The following KHDRBS2 variants were observed in gnomAD, a reference collection of about 807,000 sequenced individuals.
KHDRBS2 encodes the protein KH domain-containing, RNA-binding, signal transduction-associated protein 2.
KHDRBS2 carries 26 observed loss-of-function variants against 44.3 expected under a neutral mutation model. That is an observed-to-expected ratio of 0.59 (90% confidence interval 0.43 to 0.81). The LOEUF (loss-of-function observed/expected upper bound fraction) is 0.81. KHDRBS2 is among the 40% of genes least tolerant of loss of function. The pLI, the probability that KHDRBS2 is intolerant of heterozygous loss-of-function variation, is 0.00. For missense variants in KHDRBS2, 476 were observed against 433.1 expected, an observed-to-expected ratio of 1.10 and a Z score of -0.88; for synonymous variants, 194 against 151.1, an observed-to-expected ratio of 1.28 and a Z score of -2.08.
At chr6:61,909,144 A>C (rs567529020) in intron 4 of KHDRBS2, among the ~76,000 whole-genome samples, 3 of 150,824 alleles carry the variant, frequency 2.0e-5, no homozygotes, top group Admixed American at 6.6e-5. Context: ...TCAGCTCACT[A>C]CAAACTCCAC....
chr6:61,624,348 C>T, the KHDRBS2 span, among the ~76,000 whole-genome samples: 1 of 152,200 alleles, frequency 6.6e-6, no homozygotes, highest in Non-Finnish European at 1.5e-5. Flanking sequence ...TCTGAATGGT[C>T]AACCTTCCAA....
intron 3 of KHDRBS2, among the ~76,000 whole-genome samples, chr6:62,037,675 C>T (rs1253015862): frequency 6.6e-6 from 1 of 151,892 alleles, no homozygotes; most frequent in African/African-American, 2.4e-5. Flanking sequence ...TTAAGGCTCA[C>T]ATTTTGTTTG....
At chr6:62,192,404 C>A (rs2150132233) in intron 1 of KHDRBS2, among the ~76,000 whole-genome samples, 1 of 152,164 alleles carries the variant, frequency 6.6e-6, no homozygotes, top group East Asian at 1.9e-4. Context: ...TTAAAATCAG[C>A]AACTCAAGTT....
chr6:62,075,672 G>C (rs755452910), intron 2 of KHDRBS2, among the ~76,000 whole-genome samples: 1 of 151,716 alleles, frequency 6.6e-6, no homozygotes, highest in Non-Finnish European at 1.5e-5. Context: ...TAAGTTTTTT[G>C]GTCCAATTTT....
chr6:62,266,348 C>G (rs933588268), intron 1 of KHDRBS2, among the ~76,000 whole-genome samples: 1 of 151,940 alleles, frequency 6.6e-6, no homozygotes. Context: ...TGCTTCTTTG[C>G]CCCTACATGA....
At chr6:62,018,150 C>CT (rs969371384) in intron 3 of KHDRBS2, among the ~76,000 whole-genome samples, 127 of 146,892 alleles carry the variant, frequency 8.6e-4, no homozygotes, top group African/African-American at 2.7e-3. Flanking sequence ...AATATTACTA[C>CT]TTTTTTTTTT....
intron 1 of KHDRBS2, among the ~76,000 whole-genome samples, chr6:62,257,549 G>A (rs943695877): frequency 6.6e-6 from 1 of 151,968 alleles, no homozygotes; most frequent in Non-Finnish European, 1.5e-5. Flanking sequence ...ATTTTCAAAA[G>A]TTACTGTGAA....
At chr6:62,211,076 G>C (rs1319905594) in intron 1 of KHDRBS2, among the ~76,000 whole-genome samples, 1 of 151,968 alleles carries the variant, frequency 6.6e-6, no homozygotes, top group Non-Finnish European at 1.5e-5. Flanking sequence ...ATGCCTTATA[G>C]TGGGATACAA....
intron 3 of KHDRBS2, among the ~76,000 whole-genome samples, chr6:61,987,097 T>G (rs771133366): frequency 7.9e-5 from 12 of 152,174 alleles, no homozygotes; most frequent in Non-Finnish European, 1.6e-4. Flanking sequence ...TGGCCAGAAT[T>G]AAAAATTCCA....
intron 6 of KHDRBS2, among the ~76,000 whole-genome samples, chr6:61,761,295 CT>C (rs1289266327): frequency 3.9e-5 from 6 of 152,154 alleles, no homozygotes; most frequent in African/African-American, 1.4e-4. Context: ...TTAACTGACA[CT>C]TTTGACTAAC....
chr6:62,060,163 A>G (rs1791408592), intron 2 of KHDRBS2, among the ~76,000 whole-genome samples: 1 of 151,828 alleles, frequency 6.6e-6, no homozygotes, highest in African/African-American at 2.4e-5. Flanking sequence ...TGATAAACAG[A>G]AAGTAATTCG....
chr6:62,196,512 A>T (rs972335970), intron 1 of KHDRBS2, among the ~76,000 whole-genome samples: 2 of 152,216 alleles, frequency 1.3e-5, no homozygotes, highest in Admixed American at 6.5e-5. Context: ...CAAACCACCA[A>T]GCTCCCTGTA....
chr6:61,906,477 A>C (rs1002705547), intron 4 of KHDRBS2, among the ~76,000 whole-genome samples: 1 of 151,952 alleles, frequency 6.6e-6, no homozygotes, highest in Non-Finnish European at 1.5e-5. Context: ...TGTGCTACCA[A>C]ATACTAGATC....
rs140693563 is a variant in KHDRBS2, at chr6:62,242,436, T to C, written c.91+43422A>G. 2.5e-3 allele frequency among the ~76,000 whole-genome samples: 381 copies of C among 152,268 alleles called. 3 individuals are homozygous for C. The highest frequency in any genetic ancestry group is 8.4e-3 in the African/African-American group (349 of 41,556). ...GTTACTCTGCACATTACAGGATATTTAGCAGCATCCCTGGCATCCACTCAC... is the reference window on the plus strand; with the variant it reads ...GTTACTCTGCACATTACAGGATATTCAGCAGCATCCCTGGCATCCACTCAC... On this transcript the variant is annotated intron_variant, in intron 1 of 8. Coordinates refer to ENST00000281156, the MANE Select transcript of KHDRBS2 (RefSeq NM_152688.4).
chr6:61,900,142 C>T (rs568201065), intron 5 of KHDRBS2, among the ~76,000 whole-genome samples: 85 of 152,076 alleles, frequency 5.6e-4, no homozygotes, highest in African/African-American at 2.0e-3. Context: ...AGAATTACCC[C>T]ATTTTACCTC....
the KHDRBS2 span, among the ~76,000 whole-genome samples, chr6:61,657,332 A>G: frequency 6.6e-6 from 1 of 151,984 alleles, no homozygotes; most frequent in Non-Finnish European, 1.5e-5. Flanking sequence ...CTATTTTCCC[A>G]TCTGTGTTTT....
intron 1 of KHDRBS2, among the ~76,000 whole-genome samples, chr6:62,177,613 G>A (rs1259893147): frequency 6.6e-6 from 1 of 151,236 alleles, no homozygotes; most frequent in African/African-American, 2.4e-5. Context: ...CAACAAAAAG[G>A]TAATATATGC....
chr6:61,663,524 T>TATATATATAC, the KHDRBS2 span, among the ~76,000 whole-genome samples: 2 of 118,822 alleles, frequency 1.7e-5, no homozygotes, highest in African/African-American at 6.1e-5. Flanking sequence ...TATATATATA[T>TATATATATAC]ATGCAGCTGG....
intron 4 of KHDRBS2, among the ~76,000 whole-genome samples, chr6:61,930,935 T>C (rs943831818): frequency 6.6e-6 from 1 of 152,140 alleles, no homozygotes; most frequent in East Asian, 1.9e-4. Flanking sequence ...ATTTAACAAC[T>C]GCAATTTTTC....
Sources: allele counts gnomAD v4.1 joint callset (sites outside exome capture counted in the v4.1 genomes callset), GRCh38; gene constraint gnomAD v4.1.1; transcripts MANE v1.5; gene names NCBI Gene and HGNC (gene_info 2026-07-23, HGNC 2026-07-21).